The following DAB1 variants were observed in gnomAD, a reference collection of about 807,000 sequenced individuals.
DAB1 encodes the protein DAB adaptor protein 1, also known as disabled homolog 1.
Under a neutral mutation model 64.6 loss-of-function variants are expected in DAB1, and 15 were observed. The ratio of observed to expected loss-of-function variants is 0.23; its 90% confidence interval spans 0.16 to 0.36. DAB1 has a LOEUF of 0.36. Among genes scored for constraint, DAB1 ranks in the 10% least tolerant of loss-of-function variants. The probability of loss-of-function intolerance (pLI) is 1.00; values close to 1 mark genes in which losing one functional copy is unlikely to be tolerated. For synonymous variants in DAB1, 235 were observed against 251.9 expected, an observed-to-expected ratio of 0.93 and a Z score of 0.64; for missense variants, 596 against 706.7, an observed-to-expected ratio of 0.84 and a Z score of 1.78.
At chr1:58,272,702 G>T (rs1661335125) in intron 4 of DAB1, among the ~76,000 whole-genome samples, 1 of 150,508 alleles carries the variant, frequency 6.6e-6, no homozygotes. Flanking sequence ...TATGAATCTG[G>T]GTGCTCCTGT....
At chr1:57,207,908 G>A (rs1569894188) in intron 2 of DAB1, among the ~76,000 whole-genome samples, 1 of 152,142 alleles carries the variant, frequency 6.6e-6, no homozygotes, top group Non-Finnish European at 1.5e-5. Context: ...GACTTGTCAG[G>A]TCACATAAAA....
chr1:57,051,594 G>C (rs904903847), intron 9 of DAB1, among the ~76,000 whole-genome samples: 2 of 152,180 alleles, frequency 1.3e-5, no homozygotes, highest in Admixed American at 6.5e-5. Flanking sequence ...TGGGGACAGG[G>C]TGTTTGCAGG....
intron 7 of DAB1, among the ~76,000 whole-genome samples, chr1:57,523,955 C>T (rs1364993360): frequency 2.0e-5 from 3 of 151,744 alleles, no homozygotes; most frequent in Admixed American, 6.6e-5. Flanking sequence ...AAAAAAGGAA[C>T]AATTAGAGAA....
chr1:58,117,836 T>C (rs1380945248), intron 5 of DAB1, among the ~76,000 whole-genome samples: 1 of 112,558 alleles, frequency 8.9e-6, no homozygotes, highest in African/African-American at 5.4e-5. Context: ...CCAGATATCA[T>C]GCTTTGTTTT....
rs1646367967 is a variant in DAB1 at position 58,527,334 on chromosome 1, T to C, written n.34A>G. 1.1e-6 allele frequency: 1 copy of C among 871,546 alleles called. No homozygotes were observed. The highest frequency in any genetic ancestry group is 1.7e-5 in the Admixed American group (1 of 59,096). 54.0% of individuals were successfully genotyped at this position (871,546 alleles called of 1,614,324 possible). A position where few individuals can be genotyped will look rare whatever the true frequency, so the allele number is the denominator to read the frequency against. ...TCTGCTGTATGGTCTATTAAACATA[T>C]ACTAAGAAGAAATGACAGAAAAGCT... On this transcript the variant is annotated splice_region_variant and non_coding_transcript_exon_variant, in exon 2 of 21. Transcript: ENST00000485760.
chr1:58,204,212 C>A (rs983054190), intron 4 of DAB1, among the ~76,000 whole-genome samples: 1 of 152,168 alleles, frequency 6.6e-6, no homozygotes, highest in Non-Finnish European at 1.5e-5. Flanking sequence ...ATTGGAAATG[C>A]AGCTCTTGGA....
intron 7 of DAB1, among the ~76,000 whole-genome samples, chr1:57,522,588 C>T (rs541143375): frequency 6.6e-6 from 1 of 152,230 alleles, no homozygotes; most frequent in South Asian, 2.1e-4. Flanking sequence ...AAAGGAGGAG[C>T]AAAGGAGATG....
chr1:58,240,216 T>C lies in DAB1; in HGVS notation n.310-89628A>G, dbSNP rs372187776. On this transcript the variant is annotated intron_variant and non_coding_transcript_variant, in intron 4 of 20. Coordinates refer to the DAB1 transcript ENST00000485760. ...CATCCAGAATAAGTACAATATTCCT[T>C]AGTCTCCCTTCTGTTAGAAGTGGCC... is the stretch of plus-strand genomic sequence containing the variant. Among the ~76,000 whole-genome samples the C allele has an allele frequency of 7.9e-5, 12 of 152,316 alleles. No individual in the cohort carries two copies. In the East Asian group the frequency reaches 2.3e-3, roughly 29 times the overall value.
chr1:57,181,582 T>C (rs954219713), intron 2 of DAB1, among the ~76,000 whole-genome samples: 3 of 152,210 alleles, frequency 2.0e-5, no homozygotes, highest in Non-Finnish European at 4.4e-5. Flanking sequence ...AGGAATGCAA[T>C]ATGCAATCTC....
intron 5 of DAB1, among the ~76,000 whole-genome samples, chr1:57,925,416 C>A (rs969461654): frequency 2.0e-5 from 3 of 152,174 alleles, no homozygotes; most frequent in African/African-American, 7.2e-5. Flanking sequence ...ACGCTTCATA[C>A]AGAATTTATG....
chr1:57,695,381 AAAG>A (rs1557427846), intron 6 of DAB1, among the ~76,000 whole-genome samples: 1,970 of 76,026 alleles, frequency 0.026, 69 homozygotes, highest in Middle Eastern at 0.05. Flanking sequence ...AGAAAGAAAG[AAAG>A]AAAGAAAGAA....
chr1:57,399,434 C>T (rs139459462), intron 1 of DAB1, among the ~76,000 whole-genome samples: 1 of 152,064 alleles, frequency 6.6e-6, no homozygotes, highest in Non-Finnish European at 1.5e-5. Context: ...TAATTCAAAC[C>T]TGCGATTCTA....
At position 58,205,561 on chromosome 1, in the gene DAB1, T is replaced by C. The variant is rs145238228; in HGVS notation, n.310-54973A>G. 4.3e-4 allele frequency among the ~76,000 whole-genome samples: 65 copies of C among 152,330 alleles called. 1 individual carries two copies. The highest frequency in any genetic ancestry group is 1.5e-3 in the African/African-American group (62 of 41,570). On this transcript the variant is annotated intron_variant and non_coding_transcript_variant, in intron 4 of 20. Transcript: ENST00000485760. ...ATATAAAGTGGACCTAAAGTAGGTT[T>C]TAATTAATTCAACTGTTTAGCTCAT...
intron 7 of DAB1, among the ~76,000 whole-genome samples, chr1:57,518,816 C>A (rs1644492659): frequency 6.6e-6 from 1 of 152,206 alleles, no homozygotes; most frequent in South Asian, 2.1e-4. Flanking sequence ...GGGAAGCCTG[C>A]CTGCTCTTTC....
rs146680330 is a variant in DAB1 at position 57,133,089 on chromosome 1, C to T, written c.306+3454G>A. ...TAATAGCATTTACTTCATAGAATTGCCGTAGCATACTTAGATTGGTGTGTC... is the reference window on the plus strand; with the variant it reads ...TAATAGCATTTACTTCATAGAATTGTCGTAGCATACTTAGATTGGTGTGTC... On this transcript the variant is annotated intron_variant, in intron 4 of 14. Transcript: ENST00000371236. Among the ~76,000 whole-genome samples, 572 of 152,186 alleles carry T rather than the reference C, an allele frequency of 3.8e-3. 7 individuals are homozygous for T. Among genetic ancestry groups the T allele is most frequent in the African/African-American group, 0.013 (529 of 41,504 alleles).
chr1:58,187,662 C>T lies in DAB1; in HGVS notation n.310-37074G>A, dbSNP rs1401275015. ...TGGCATGATCTTAGCTCACTGCAAC[C>T]TTCGCCTCCCAGATTCAAGCAATTC... On this transcript the variant is annotated intron_variant and non_coding_transcript_variant, in intron 4 of 20. Transcript: ENST00000485760. Among the ~76,000 whole-genome samples, 7 of 151,170 alleles carry T rather than the reference C, an allele frequency of 4.6e-5. No homozygotes were observed. The East Asian group carries it at 1.4e-3, about 29-fold the overall frequency.
chr1:57,215,111 A>G (rs1666329655), intron 2 of DAB1, among the ~76,000 whole-genome samples: 3 of 152,122 alleles, frequency 2.0e-5, no homozygotes, highest in South Asian at 4.1e-4. Context: ...TCATGACTCA[A>G]ATTCACCCTG....
intron 7 of DAB1, among the ~76,000 whole-genome samples, chr1:57,560,761 G>A (rs1570627441): frequency 6.6e-6 from 1 of 152,170 alleles, no homozygotes; most frequent in African/African-American, 2.4e-5. Flanking sequence ...AGATAGGGAT[G>A]CTGTTTGGAG....
At chr1:57,029,548 A>T (rs1646901483) in intron 9 of DAB1, among the ~76,000 whole-genome samples, 1 of 127,436 alleles carries the variant, frequency 7.8e-6, no homozygotes, top group Admixed American at 8.1e-5. Context: ...AGCCTCAGAC[A>T]CTCCATGCCT....
Sources: gnomAD v4.1 joint callset for allele counts (sites outside exome capture counted in the v4.1 genomes callset) on GRCh38, gnomAD v4.1.1 for gene constraint, MANE v1.5 for transcripts, NCBI Gene and HGNC (gene_info 2026-07-23, HGNC 2026-07-21) for gene names.